XKR4: variants seen among roughly 807,000 people sequenced by gnomAD.
XKR4 encodes XK related 4, also known as XK-related protein 4.
A neutral mutation model predicts 53.9 loss-of-function variants in XKR4; 12 were observed. That is an observed-to-expected ratio of 0.22 (90% CI 0.14 to 0.36). XKR4 has a LOEUF of 0.36. XKR4 is among the 10% of genes least tolerant of loss of function. The pLI is 1.00. For synonymous variants in XKR4, 354 were observed against 362.4 expected, an observed-to-expected ratio of 0.98 and a Z score of 0.26; for missense variants, 799 against 859.5, an observed-to-expected ratio of 0.93 and a Z score of 0.88.
At chr8:55,297,993 T>C (rs149832728) in intron 1 of XKR4, among the ~76,000 whole-genome samples, 2 of 152,354 alleles carry the variant, frequency 1.3e-5, no homozygotes, top group African/African-American at 4.8e-5. Flanking sequence ...ACTTTGTATA[T>C]ACTCAGAATT....
chr8:55,237,401 G>A (rs561709012), intron 1 of XKR4, among the ~76,000 whole-genome samples: 9 of 152,292 alleles, frequency 5.9e-5, no homozygotes, highest in African/African-American at 1.7e-4. Context: ...TTACAATAAA[G>A]TCAGTTAGAG....
At chr8:55,158,258 G>A (rs1816936781) in intron 1 of XKR4, among the ~76,000 whole-genome samples, 1 of 152,182 alleles carries the variant, frequency 6.6e-6, no homozygotes, top group Admixed American at 6.5e-5. Flanking sequence ...AAAGATTAGT[G>A]ACGTTGAGGA....
chr8:55,406,191 G>C (rs1013222843), intron 2 of XKR4, among the ~76,000 whole-genome samples: 4 of 152,146 alleles, frequency 2.6e-5, no homozygotes, highest in Admixed American at 6.5e-5. Context: ...GGCAATCAGG[G>C]AATTAATGGG....
intron 1 of XKR4, among the ~76,000 whole-genome samples, chr8:55,344,331 T>A (rs1162871048): frequency 6.6e-6 from 1 of 152,204 alleles, no homozygotes; most frequent in Non-Finnish European, 1.5e-5. Context: ...ACACAGACAC[T>A]CGGTGCTTTC....
intron 1 of XKR4, among the ~76,000 whole-genome samples, chr8:55,167,629 T>A (rs190126267): frequency 7.2e-5 from 11 of 152,274 alleles, no homozygotes; most frequent in African/African-American, 2.6e-4. Flanking sequence ...ATATAACCAC[T>A]GAGATTCAGT....
intron 2 of XKR4, chr8:55,450,945 A>C: frequency 2.0e-6 from 1 of 492,606 alleles, no homozygotes; most frequent in Non-Finnish European, 3.8e-6. Flanking sequence ...CAGCAAGCGC[A>C]GGAAGGAGAC....
intron 1 of XKR4, among the ~76,000 whole-genome samples, chr8:55,118,202 A>G (rs1480776): frequency 0.54 from 82,010 of 152,090 alleles, 23,629 homozygotes; most frequent in South Asian, 0.74. Context: ...AATGTGTCAA[A>G]TTCATTTGAT....
At chr8:55,353,844 A>G (rs1188224855) in intron 1 of XKR4, among the ~76,000 whole-genome samples, 15 of 152,274 alleles carry the variant, frequency 9.9e-5, no homozygotes, top group Non-Finnish European at 2.9e-5. Flanking sequence ...TGGGAGAAAG[A>G]GATCTGCCCA....
At chr8:55,236,029 G>C (rs1818116660) in intron 1 of XKR4, among the ~76,000 whole-genome samples, 1 of 152,152 alleles carries the variant, frequency 6.6e-6, no homozygotes. Flanking sequence ...CCTTGTTCCA[G>C]GCCTGCTTGG....
chr8:55,232,875 A>G (rs1818063322), intron 1 of XKR4, among the ~76,000 whole-genome samples: 1 of 152,048 alleles, frequency 6.6e-6, no homozygotes, highest in Admixed American at 6.6e-5. Flanking sequence ...TCTGCTGTGC[A>G]TTTTGGTCTC....
At chr8:55,397,468 C>G (rs189401162) in intron 2 of XKR4, among the ~76,000 whole-genome samples, 16 of 152,282 alleles carry the variant, frequency 1.1e-4, no homozygotes, top group Non-Finnish European at 1.6e-4. Context: ...GGCTTGGAAG[C>G]TTGTGACCTG....
chr8:55,465,597 C>T (rs1364272351), intron 2 of XKR4, among the ~76,000 whole-genome samples: 3 of 151,572 alleles, frequency 2.0e-5, no homozygotes, highest in Non-Finnish European at 4.4e-5. Flanking sequence ...ATGTCTAAAA[C>T]ACCAAAAGCA....
chr8:55,127,098 A>G (rs988455054), intron 1 of XKR4, among the ~76,000 whole-genome samples: 4 of 152,180 alleles, frequency 2.6e-5, no homozygotes, highest in African/African-American at 9.7e-5. Context: ...AGACAGTGGC[A>G]TGCAAGAAAC....
chr8:55,138,968 T>G (rs1004781476), intron 1 of XKR4, among the ~76,000 whole-genome samples: 25 of 152,200 alleles, frequency 1.6e-4, no homozygotes, highest in African/African-American at 6.0e-4. Flanking sequence ...TGACCACCCT[T>G]AAGTAAGAAA....
intron 1 of XKR4, among the ~76,000 whole-genome samples, chr8:55,121,404 A>T (rs1160516056): frequency 1.3e-5 from 2 of 152,222 alleles, no homozygotes; most frequent in African/African-American, 4.8e-5. Flanking sequence ...GAACCAGGGC[A>T]CACGATGTTA....
At chr8:55,303,200 G>T (rs1341500465) in intron 1 of XKR4, among the ~76,000 whole-genome samples, 1 of 152,252 alleles carries the variant, frequency 6.6e-6, no homozygotes, top group East Asian at 1.9e-4. Context: ...AGAGTTTTTA[G>T]CATGAAGCGT....
chr8:55,235,063 A>G (rs1684281371), intron 1 of XKR4, among the ~76,000 whole-genome samples: 2 of 152,200 alleles, frequency 1.3e-5, no homozygotes, highest in South Asian at 4.1e-4. Flanking sequence ...AAAATGAAGG[A>G]TTGGCAGGGT....
At chr8:55,383,460 A>T (rs2129387760) in intron 2 of XKR4, among the ~76,000 whole-genome samples, 1 of 152,362 alleles carries the variant, frequency 6.6e-6, no homozygotes, top group African/African-American at 2.4e-5. Context: ...TCAGCTGAGT[A>T]TACGGGGAAC....
chr8:55,475,909 A>T (rs2939661), intron 2 of XKR4, among the ~76,000 whole-genome samples: 1 of 151,578 alleles, frequency 6.6e-6, no homozygotes, highest in Non-Finnish European at 1.5e-5. Context: ...CCTCACACTC[A>T]CTATTTTTCT....
Sources: gnomAD v4.1 joint callset for allele counts (sites outside exome capture counted in the v4.1 genomes callset) on GRCh38, gnomAD v4.1.1 for gene constraint, MANE v1.5 for transcripts, NCBI Gene and HGNC (gene_info 2026-07-23, HGNC 2026-07-21) for gene names.